MCM3: variants seen among roughly 807,000 people sequenced by gnomAD.
The protein encoded by MCM3 is minichromosome maintenance complex component 3.
In MCM3, 59 loss-of-function variants were observed where a neutral mutation model predicts 91.3. The ratio of observed to expected loss-of-function variants is 0.65; its 90% CI spans 0.52 to 0.80. MCM3 has a LOEUF of 0.80. Among genes scored for constraint, MCM3 ranks in the 30% least tolerant of loss-of-function variants. The pLI, the probability that MCM3 is intolerant of heterozygous loss-of-function variation, is 0.00. For synonymous variants in MCM3, 383 were observed against 379.6 expected (o/e 1.01, Z -0.10); for missense variants, 919 against 1,035.4 (o/e 0.89, Z 1.54).
chr6:52,277,252 A>C (rs1411140691), intron 7 of MCM3, 54 bp from the exon 8 acceptor site: 7 of 1,580,724 alleles, frequency 4.4e-6, no homozygotes, highest in Non-Finnish European at 6.0e-6. Context: ...CACCCCCAGC[A>C]AATTCTGCCT....
chr6:52,266,801 T>A, intron 14 of MCM3, 105 bp from the exon 15 acceptor site: 1 of 860,112 alleles, frequency 1.2e-6, no homozygotes, highest in Non-Finnish European at 2.0e-6. Flanking sequence ...ACAGAACCAC[T>A]AAGTCAAAGT....
Position 52,279,444 on chromosome 6 carries a change from C to T in MCM3, c.687G>A (p.Ala229=), listed in dbSNP as rs371534790. The change falls in exon 5 of 17, where the codon GCG becomes GCA. Residue 229 remains alanine (A), a synonymous_variant. Transcript: ENST00000596288. ...VILDDDLVDK[A]KPGDRVQVVG... is the part of the protein sequence containing the mutation. ...CCACCTGAACCCGGTCACCAGGCTT[C>T]GCTTTATCCACCAAGTCATCATCCA... 43 of 1,614,050 alleles carry T rather than the reference C, an allele frequency of 2.7e-5. No homozygotes were observed. The highest frequency in any genetic ancestry group is 1.6e-4 in the Middle Eastern group (1 of 6,084).
At chr6:52,274,747 C>A (rs1765418286) in intron 9 of MCM3, among the ~76,000 whole-genome samples, 1 of 151,602 alleles carries the variant, frequency 6.6e-6, no homozygotes, top group Non-Finnish European at 1.5e-5. Flanking sequence ...CCCCAATACT[C>A]TCCTTTCAAT....
intron 4 of MCM3, 103 bp from the exon 5 acceptor site, chr6:52,279,702 TTCAG>T (rs762825855): frequency 8.5e-5 from 77 of 907,268 alleles, no homozygotes; most frequent in Non-Finnish European, 1.2e-4. Context: ...AATTTTATTA[TTCAG>T]TAACAAAAAA....
At chr6:52,271,878 T>G (rs1319317970) in intron 12 of MCM3, among the ~76,000 whole-genome samples, 1 of 152,238 alleles carries the variant, frequency 6.6e-6, no homozygotes, top group African/African-American at 2.4e-5. Context: ...GCCTTTCACG[T>G]TCATTCCTTT....
In MCM3 at chr6:52,275,458, G is replaced by A. The variant is rs966982614; in HGVS notation, c.1374+810C>T. ...GAGTTGGTAAATACAAAGCATTTAT[G>A]AGCATTCATTAATAGAAGTATTAAT... On this transcript the variant is annotated intron_variant, in intron 9 of 16. Transcript: ENST00000596288. 2.6e-5 allele frequency among the ~76,000 whole-genome samples: 4 copies of A among 152,324 alleles called. No homozygotes were observed. The South Asian group carries it at 6.2e-4, about 24-fold the overall frequency.
intron 10 of MCM3, 108 bp from the exon 11 acceptor site, chr6:52,273,464 G>A (rs1022683995): frequency 6.9e-6 from 8 of 1,166,792 alleles, no homozygotes; most frequent in South Asian, 2.9e-5. Flanking sequence ...ATAAAGAAAG[G>A]GCCCAAAAAG....
At position 52,264,548 on chromosome 6, in the gene MCM3, A is replaced by G; in HGVS notation, c.*40T>C. 6.2e-7 allele frequency: 1 copy of G among 1,608,848 alleles called. No individual in the cohort carries two copies. ...GGGAGAGGGTGGGAAACACAGAACAAACTCTCTCGGCACAACCCAAGTTCA... is the reference window on the plus strand; with the variant it reads ...GGGAGAGGGTGGGAAACACAGAACAGACTCTCTCGGCACAACCCAAGTTCA... On this transcript the variant is annotated 3_prime_UTR_variant, in exon 17 of 17. Coordinates refer to ENST00000596288, the MANE Select transcript of MCM3 (RefSeq NM_002388.6).
intron 4 of MCM3, among the ~76,000 whole-genome samples, chr6:52,281,182 A>G (rs747244278): frequency 6.6e-6 from 1 of 152,250 alleles, no homozygotes; most frequent in Non-Finnish European, 1.5e-5. Flanking sequence ...CACCAAGAAG[A>G]AAGCATTTTC....
intron 12 of MCM3, among the ~76,000 whole-genome samples, chr6:52,271,832 A>G (rs1201655322): frequency 1.3e-5 from 2 of 152,220 alleles, no homozygotes; most frequent in Non-Finnish European, 2.9e-5. Context: ...GGGAAGTCTA[A>G]AAGAAATTAA....
chr6:52,284,048 G>T (rs144482658), intron 1 of MCM3, among the ~76,000 whole-genome samples: 1 of 152,318 alleles, frequency 6.6e-6, no homozygotes, highest in Non-Finnish European at 1.5e-5. Flanking sequence ...AACCCTTCAA[G>T]ATGGTTTTTT....
At chr6:52,269,625 T>C (rs975125539) in intron 12 of MCM3, among the ~76,000 whole-genome samples, 1 of 152,078 alleles carries the variant, frequency 6.6e-6, no homozygotes, top group Admixed American at 6.5e-5. Flanking sequence ...ATGAAGGAAA[T>C]GGGACTCAAA....
chr6:52,278,970 G>T, intron 5 of MCM3, 120 bp from the exon 6 acceptor site: 1 of 630,750 alleles, frequency 1.6e-6, no homozygotes, highest in Non-Finnish European at 2.7e-6. Context: ...ATTAGAGTTG[G>T]TGGGGAGGGG....
chr6:52,266,513 C>G, intron 15 of MCM3, 98 bp downstream of exon 15: 1 of 1,112,786 alleles, frequency 9.0e-7, no homozygotes, highest in Non-Finnish European at 1.4e-6. Flanking sequence ...GGGAGCCAAA[C>G]AAACAGGAGT....
rs998551068 is a variant in MCM3, at chr6:52,272,422, T to C, written c.1706A>G (p.Lys569Arg). The part of the protein sequence containing the change: ...KEKMVSAAFM[K>R]KYIHVAKIIK... ...GATTTTGGCCACATGGATGTACTTCTTCATGAATGCTGCACTCACCATCTT... is the reference window on the plus strand; with the variant it reads ...GATTTTGGCCACATGGATGTACTTCCTCATGAATGCTGCACTCACCATCTT... Residue 569 changes from lysine to arginine, a missense_variant, in exon 12 of 17, where the codon AAG becomes AGG. Around this residue, in one of 3 missense-constraint regions of MCM3, gnomAD observed 285 missense variants for 311.4 expected, o/e 0.92. Transcript: ENST00000596288. 3 of 1,614,200 alleles carry C rather than the reference T, an allele frequency of 1.9e-6. No homozygotes were observed. The highest frequency in any genetic ancestry group is 1.7e-6 in the Non-Finnish European group (2 of 1,180,028).
In MCM3 at chr6:52,282,840, C is replaced by T. The variant is rs770694359; in HGVS notation, c.213G>A (p.Glu71=). The stretch of plus-strand genomic sequence containing the variant: ...AGGCCCGCTGGAAGGCAACCAGCTC[C>T]TCAAAGGCATTGTTCAGAAGCCTGT... ...RANRLLNNAF[E]ELVAFQRALK... Residue 71 remains glutamate (E), a synonymous_variant, in exon 3 of 17, where the codon GAG becomes GAA. Transcript: ENST00000596288. The T allele has an allele frequency of 1.2e-6, 2 of 1,613,894 alleles. No homozygotes were observed. The highest frequency in any genetic ancestry group is 1.7e-6 in the Non-Finnish European group (2 of 1,179,982).
At chr6:52,271,965 CG>C (rs1167225024) in intron 12 of MCM3, among the ~76,000 whole-genome samples, 5 of 152,162 alleles carry the variant, frequency 3.3e-5, no homozygotes, top group African/African-American at 7.2e-5. Context: ...TCCCCCGCTC[CG>C]GATCTGAGCT....
rs138881773 is a variant in MCM3 at position 52,271,744 on chromosome 6, C to G, written c.1827+557G>C. ...TTGCTTTGAATAACCATCATGGTTG[C>G]CTGTTAGTCATTTTTTCAAAGTCCA... On this transcript the variant is annotated intron_variant, in intron 12 of 16. Transcript: ENST00000596288. Among the ~76,000 whole-genome samples the G allele has an allele frequency of 3.0e-3, 451 of 152,276 alleles. 2 individuals carry two copies. The highest frequency in any genetic ancestry group is 0.01 in the African/African-American group (436 of 41,544).
chr6:52,267,041 G>A (rs1332248196), intron 14 of MCM3, among the ~76,000 whole-genome samples: 4 of 151,532 alleles, frequency 2.6e-5, no homozygotes, highest in Non-Finnish European at 5.9e-5. Context: ...TCAGTAGAGG[G>A]GTCAAAAGCA....
Sources: allele counts gnomAD v4.1 joint callset (sites outside exome capture counted in the v4.1 genomes callset), GRCh38; gene constraint gnomAD v4.1.1; regional missense constraint gnomAD v4.1.1; transcripts MANE v1.5; gene names NCBI Gene and HGNC (gene_info 2026-07-23, HGNC 2026-07-21).